The following DAAM2 variants were observed in gnomAD, a reference collection of about 807,000 sequenced individuals.
DAAM2 encodes dishevelled associated activator of morphogenesis 2.
A neutral mutation model predicts 120.7 loss-of-function variants in DAAM2; 39 were observed. The observed-to-expected ratio is 0.32, with a 90% CI of 0.25 to 0.42. The LOEUF is 0.42. DAAM2 is among the 10% of genes least tolerant of loss of function. The pLI, the probability that DAAM2 is intolerant of heterozygous loss-of-function variation, is 1.00. For synonymous variants in DAAM2, 488 were observed against 524.9 expected (o/e 0.93, Z 0.96); for missense variants, 1,283 against 1,401.7 (o/e 0.92, Z 1.35).
chr6:39,872,238 C>T (rs1764692371), intron 9 of DAAM2, among the ~76,000 whole-genome samples: 1 of 152,152 alleles, frequency 6.6e-6, no homozygotes, highest in Non-Finnish European at 1.5e-5. Flanking sequence ...CCCTCACAGA[C>T]ATACCCAGAA....
chr6:39,865,138 C>G, intron 5 of DAAM2, 64 bp downstream of exon 5: 1 of 975,190 alleles, frequency 1.0e-6, no homozygotes, highest in Non-Finnish European at 1.6e-6. Flanking sequence ...CTTGCCTTCC[C>G]GAAGCCCTGT....
At position 39,893,358 on chromosome 6, in the gene DAAM2, A is replaced by G. The variant is rs117024298; in HGVS notation, c.2341+1636A>G. Among the ~76,000 whole-genome samples the G allele has an allele frequency of 1.2e-4, 18 of 152,276 alleles. No individual in the cohort carries two copies. The East Asian group carries it at 3.3e-3, about 28-fold the overall frequency. ...GGTGAAACCTCGTGTCTACTAAAAA[A>G]TACAAAAAAATTAGCCGGGCATGGA... On this transcript the variant is annotated intron_variant, in intron 19 of 24. Coordinates refer to ENST00000274867, the MANE Select transcript of DAAM2 (RefSeq NM_001201427.2).
intron 7 of DAAM2, 70 bp from the exon 8 acceptor site, chr6:39,870,270 G>A: frequency 1.1e-6 from 1 of 925,622 alleles, no homozygotes; most frequent in Non-Finnish European, 1.7e-6. Context: ...GTGGTGATGA[G>A]GGCTCCACTG....
chr6:39,880,759 G>A (rs773772218), intron 14 of DAAM2, among the ~76,000 whole-genome samples: 10 of 152,140 alleles, frequency 6.6e-5, no homozygotes, highest in South Asian at 2.1e-4. Flanking sequence ...GTAGTTTCCC[G>A]GGCCTCTGAT....
intron 2 of DAAM2, 26 bp downstream of exon 2, chr6:39,856,496 G>A (rs746506566): frequency 1.4e-6 from 2 of 1,404,792 alleles, no homozygotes; most frequent in Non-Finnish European, 1.9e-6. Context: ...GGGAGAGACA[G>A]TGACAATGGG....
At chr6:39,887,651 C>T (rs3008810) in intron 16 of DAAM2, 59 bp downstream of exon 16, 616,496 of 1,213,166 alleles carry the variant, frequency 0.51, 157,938 homozygotes, top group East Asian at 0.6. Context: ...GGTGGAGGAA[C>T]GGAGTGGTGG....
chr6:39,828,152 T>G (rs1762744633), intron 1 of DAAM2, among the ~76,000 whole-genome samples: 1 of 152,212 alleles, frequency 6.6e-6, no homozygotes. Flanking sequence ...CCTGACTGGT[T>G]CAGTTTTGCA....
intron 1 of DAAM2, among the ~76,000 whole-genome samples, chr6:39,798,254 T>C (rs1200864026): frequency 1.3e-5 from 2 of 152,186 alleles, no homozygotes; most frequent in African/African-American, 4.8e-5. Context: ...TTGCAAATTA[T>C]TTCACCTTTC....
chr6:39,813,282 G>T (rs1762217523), intron 1 of DAAM2, among the ~76,000 whole-genome samples: 1 of 152,102 alleles, frequency 6.6e-6, no homozygotes, highest in Non-Finnish European at 1.5e-5. Flanking sequence ...GAGTTTTTGG[G>T]GTGGGGGTGA....
chr6:39,857,622 G>A (rs1764058915), intron 2 of DAAM2, among the ~76,000 whole-genome samples: 1 of 152,188 alleles, frequency 6.6e-6, no homozygotes, highest in African/African-American at 2.4e-5. Context: ...TTGAAAGAAG[G>A]ACATGATAGG....
chr6:39,901,376 T>C lies in DAAM2; in HGVS notation c.2886T>C (p.Asp962=). Residue 962 remains aspartate, a synonymous_variant, in exon 24 of 25, where the codon GAT becomes GAC. Coordinates refer to ENST00000274867, the MANE Select transcript of DAAM2 (RefSeq NM_001201427.2). This position sits in a 1 kb window ranked among gnomAD's most constrained non-coding sequence, Gnocchi z 4.5. The part of the protein sequence containing the change: ...MQPDEFFGIF[D]TFLQAFSEAR... ...CAGACGAATTCTTTGGCATCTTTGA[T>C]ACCTTCTTGCAGGCCTTCTCAGAGG... is the stretch of plus-strand genomic sequence containing the variant. The C allele has an allele frequency of 6.2e-7, 1 of 1,613,924 alleles. No individual in the cohort carries two copies. The highest frequency in any genetic ancestry group is 1.1e-5 in the South Asian group (1 of 91,076).
intron 1 of DAAM2, among the ~76,000 whole-genome samples, chr6:39,810,377 C>T (rs1762126506): frequency 6.6e-6 from 1 of 152,192 alleles, no homozygotes. Flanking sequence ...CAAACAAAAA[C>T]CTATGTAATC....
chr6:39,804,520 T>TTCTG lies in DAAM2; in HGVS notation c.-57+12057_-57+12060dup, dbSNP rs765831864. On this transcript the variant is annotated intron_variant, in intron 1 of 24. Coordinates refer to ENST00000274867, the MANE Select transcript of DAAM2 (RefSeq NM_001201427.2). ...GCACTGGTCCAGAAAGAGAGATCAG[T>TTCTG]TCTGTGTGTGTGTGTGTGTGTGTGT... 8.4e-5 allele frequency among the ~76,000 whole-genome samples: 8 copies of TTCTG among 95,076 alleles called. No homozygotes were observed. In the South Asian group the frequency reaches 3.8e-3, roughly 45 times the overall value. The allele number at this position is 95,076 out of a possible 152,430, so 62.4% of individuals were successfully genotyped here. A position where few individuals can be genotyped will look rare whatever the true frequency, so the allele number is the denominator to read the frequency against.
Position 39,898,940 on chromosome 6 carries a change from G to A in DAAM2, c.2679+3G>A, listed in dbSNP as rs1470600611. The A allele has an allele frequency of 1.2e-6, 2 of 1,609,524 alleles. No individual in the cohort carries two copies. The highest frequency in any genetic ancestry group is 2.2e-5 in the South Asian group (2 of 89,828). On this transcript the variant is annotated splice_donor_region_variant and intron_variant, in intron 22 of 24. Transcript: ENST00000274867. ...GGGGCCTGAGAGCGGTGGAGGTGGT[G>A]AGTACCTTGTCAGTGCCTACCTGGG...
chr6:39,846,226 A>C (rs1254784246), intron 1 of DAAM2, among the ~76,000 whole-genome samples: 4 of 152,182 alleles, frequency 2.6e-5, no homozygotes, highest in Non-Finnish European at 5.9e-5. Context: ...CCCCAAGAGC[A>C]GTGCCGGGCA....
intron 1 of DAAM2, among the ~76,000 whole-genome samples, chr6:39,811,174 A>AGTGTGTGTGTGTGTGTGTGT (rs59432565): frequency 1.4e-4 from 20 of 146,462 alleles, no homozygotes; most frequent in African/African-American, 4.9e-4. Flanking sequence ...AACTGAAGGG[A>AGTGTGTGTGTGTGTGTGTGT]GTGTGTGTGT....
At chr6:39,847,385 A>G (rs1167474620) in intron 1 of DAAM2, among the ~76,000 whole-genome samples, 1 of 152,100 alleles carries the variant, frequency 6.6e-6, no homozygotes, top group Non-Finnish European at 1.5e-5. Context: ...CCTTTCAGTA[A>G]CAGCAACCCC....
chr6:39,878,083 T>C lies in DAAM2; in HGVS notation c.1302-120T>C, dbSNP rs1374266766. On this transcript the variant is annotated intron_variant, in intron 11 of 24. Coordinates refer to ENST00000274867, the MANE Select transcript of DAAM2 (RefSeq NM_001201427.2). The surrounding 1 kb of genome is among the most constrained non-coding windows in gnomAD (Gnocchi z 5.0). ...GAAGTCTAAATCCTAGCCCCCTTGA[T>C]GTGGCTGGACAGATTGGAGACCAGG... 6.1e-6 allele frequency: 6 copies of C among 987,006 alleles called. No individual in the cohort carries two copies. Among genetic ancestry groups the C allele is most frequent in the Non-Finnish European group, 9.1e-6 (6 of 658,948 alleles). 61.1% of individuals were successfully genotyped at this position (987,006 alleles called of 1,614,324 possible). A position where few individuals can be genotyped will look rare whatever the true frequency, so the allele number is the denominator to read the frequency against.
intron 1 of DAAM2, among the ~76,000 whole-genome samples, chr6:39,825,670 G>C (rs79164530): frequency 0.029 from 4,423 of 152,220 alleles, 207 homozygotes; most frequent in African/African-American, 0.099. Flanking sequence ...AGGTGGGAAT[G>C]GGGGGAGTCA....
Sources: gnomAD v4.1 joint callset for allele counts (sites outside exome capture counted in the v4.1 genomes callset) on GRCh38, gnomAD v4.1.1 for gene constraint, Gnocchi (gnomAD v3.1) non-coding constraint, MANE v1.5 for transcripts, NCBI Gene and HGNC (gene_info 2026-07-23, HGNC 2026-07-21) for gene names.